LINGO1: variants seen among roughly 807,000 people sequenced by gnomAD.
The protein encoded by LINGO1 is leucine-rich repeat and immunoglobulin-like domain-containing nogo receptor-interacting protein 1.
LINGO1 carries 11 observed loss-of-function variants against 37.3 expected under a neutral mutation model. The observed-to-expected ratio is 0.29, with a 90% CI of 0.19 to 0.49. The LOEUF (loss-of-function observed/expected upper bound fraction) is 0.49, where lower values mean the gene tolerates loss of function less well. Among genes scored for constraint, LINGO1 ranks in the 20% least tolerant of loss-of-function variants. LINGO1 has a pLI of 0.99. For synonymous variants in LINGO1, 387 were observed against 403.0 expected, an observed-to-expected ratio of 0.96 and a Z score of 0.48; for missense variants, 585 against 878.2, an observed-to-expected ratio of 0.67 and a Z score of 4.22.
intron 2 of LINGO1, among the ~76,000 whole-genome samples, chr15:77,720,285 T>G (rs1272577848): frequency 6.6e-6 from 1 of 152,250 alleles, no homozygotes; most frequent in East Asian, 1.9e-4. Context: ...ACGGCGTTTT[T>G]ATTCTGCAGC....
At chr15:77,814,080 C>T (rs1328075208) in intron 1 of LINGO1, among the ~76,000 whole-genome samples, 1 of 152,180 alleles carries the variant, frequency 6.6e-6, no homozygotes, top group Non-Finnish European at 1.5e-5. Context: ...TCCCTCATTC[C>T]AGCCCCAGCT....
chr15:77,756,926 C>T (rs760479235), intron 1 of LINGO1, among the ~76,000 whole-genome samples: 1 of 152,226 alleles, frequency 6.6e-6, no homozygotes, highest in African/African-American at 2.4e-5. Context: ...CTCAGGGACA[C>T]CTTGGAGCTC....
At chr15:77,741,702 G>C (rs1419037847) in intron 1 of LINGO1, among the ~76,000 whole-genome samples, 1 of 152,220 alleles carries the variant, frequency 6.6e-6, no homozygotes, top group Non-Finnish European at 1.5e-5. Context: ...AGCTTCCCCA[G>C]TGCAGTCCCC....
chr15:77,730,569 T>G (rs891054729), intron 2 of LINGO1, among the ~76,000 whole-genome samples: 7 of 152,144 alleles, frequency 4.6e-5, no homozygotes, highest in African/African-American at 7.2e-5. Context: ...TCCCTCTATA[T>G]CCAGACTGGT....
intron 1 of LINGO1, among the ~76,000 whole-genome samples, chr15:77,692,698 C>A (rs958760557): frequency 6.6e-6 from 1 of 152,176 alleles, no homozygotes; most frequent in Non-Finnish European, 1.5e-5. Context: ...TCCTCACCTC[C>A]GAGGGCAGCA....
In LINGO1 at chr15:77,691,548, C is replaced by A. The variant is rs948196870; in HGVS notation, c.-280-647G>T. Among the ~76,000 whole-genome samples, 3 of 152,084 alleles carry A rather than the reference C, an allele frequency of 2.0e-5. No individual in the cohort carries two copies. In the East Asian group the frequency reaches 5.8e-4, roughly 29 times the overall value. On this transcript the variant is annotated intron_variant, in intron 1 of 3. Coordinates refer to the LINGO1 transcript ENST00000559893. ...GGGTGTCAGGCTACCCTTGAAGGGA[C>A]CTACCTCCTCCAGCCACTGCCACTG...
At chr15:77,788,185 CTGCCT>C (rs1426957128), upstream of LINGO1, 2 of 152,274 alleles carry the variant, frequency 1.3e-5, no homozygotes, top group Non-Finnish European at 2.9e-5. Flanking sequence ...CCGCCCTGCC[CTGCCT>C]GGGCCACCAT....
chr15:77,632,376 C>G lies in LINGO1; in HGVS notation c.-61G>C, dbSNP rs1297551767. 3.7e-6 allele frequency: 5 copies of G among 1,356,940 alleles called. No homozygotes were observed. The highest frequency in any genetic ancestry group is 4.8e-6 in the Non-Finnish European group (5 of 1,050,060). The allele number at this position is 1,356,940 out of a possible 1,614,324, so 84.1% of individuals were successfully genotyped here. On this transcript the variant is annotated 5_prime_UTR_variant, in exon 1 of 2. Transcript: ENST00000355300. This position sits in a 1 kb window ranked among gnomAD's most constrained non-coding sequence, Gnocchi z 6.0. ...CAATCGCATGTCTCTCCAGCCGGCC[C>G]GACCAGGCCCCAGCCCCTGCCCAGC...
chr15:77,674,708 C>T (rs114814551), intron 3 of LINGO1, among the ~76,000 whole-genome samples: 1 of 151,960 alleles, frequency 6.6e-6, no homozygotes, highest in African/African-American at 2.4e-5. Context: ...TGCCACCTCT[C>T]GAAGAGACCT....
intron 3 of LINGO1, among the ~76,000 whole-genome samples, chr15:77,644,863 C>T (rs894969668): frequency 6.6e-6 from 1 of 152,160 alleles, no homozygotes; most frequent in South Asian, 2.1e-4. Context: ...TAAAGGGCCA[C>T]TGGGTGGGCT....
chr15:77,756,356 C>G (rs1374344085), intron 1 of LINGO1, among the ~76,000 whole-genome samples: 1 of 152,112 alleles, frequency 6.6e-6, no homozygotes, highest in East Asian at 1.9e-4. Flanking sequence ...AAAACATGTC[C>G]ACACACAGAG....
At chr15:77,720,770 A>G (rs567928030) in intron 2 of LINGO1, 1 of 151,858 alleles carries the variant, frequency 6.6e-6, no homozygotes, top group South Asian at 2.1e-4. Flanking sequence ...GGCAGACGTG[A>G]CAACGTCCGC....
chr15:77,671,709 G>A (rs1450031630), intron 3 of LINGO1, among the ~76,000 whole-genome samples: 1 of 152,224 alleles, frequency 6.6e-6, no homozygotes, highest in Non-Finnish European at 1.5e-5. Context: ...TCCCAGTTCA[G>A]CCTAAGGAGC....
Position 77,615,122 on chromosome 15 carries a change from C to A in LINGO1, c.785G>T (p.Gly262Val). ...GATGGACAGGGACGTCAGGTTGAGGCCGTAGAGGCAGTTGGGTGTCATGGT... is the reference window on the plus strand; with the variant it reads ...GATGGACAGGGACGTCAGGTTGAGGACGTAGAGGCAGTTGGGTGTCATGGT... ...LDTMTPNCLY[G>V]LNLTSLSITH... Residue 262 changes from glycine (G) to valine (V), a missense_variant, in exon 2 of 2, where the codon GGC (glycine) becomes GTC (valine). By Grantham distance (109) the Gly-to-Val change is moderately radical. Transcript: ENST00000355300. The A allele has an allele frequency of 1.2e-6, 2 of 1,614,004 alleles. No homozygotes were observed. The highest frequency in any genetic ancestry group is 1.7e-6 in the Non-Finnish European group (2 of 1,179,888).
rs192969671 is a variant in LINGO1, at chr15:77,682,803, C to T, written c.-98-5629G>A. Among the ~76,000 whole-genome samples, 4 of 152,072 alleles carry T rather than the reference C, an allele frequency of 2.6e-5. No homozygotes were observed. The East Asian group carries it at 7.7e-4, about 29-fold the overall frequency. ...CCAGTCACAAATATGACCTCATCCC[C>T]GCTCCACTTAAAACCCGCCCAGGAA... is the stretch of plus-strand genomic sequence containing the variant. On this transcript the variant is annotated intron_variant, in intron 2 of 3. Transcript: ENST00000559893.
chr15:77,626,453 G>A (rs975133358), intron 1 of LINGO1, among the ~76,000 whole-genome samples: 2 of 152,132 alleles, frequency 1.3e-5, no homozygotes, highest in South Asian at 2.1e-4. Flanking sequence ...TCTTGGCCAC[G>A]CCACTGCCAG....
In LINGO1 at chr15:77,632,267, C is replaced by T. The variant is rs1237678142; in HGVS notation, c.6+43G>A. 3.6e-6 allele frequency: 5 copies of T among 1,372,164 alleles called. No homozygotes were observed. Among genetic ancestry groups the T allele is most frequent in the Non-Finnish European group, 4.7e-6 (5 of 1,067,270 alleles). The allele number at this position is 1,372,164 out of a possible 1,614,324, so 85.0% of individuals were successfully genotyped here. A position where few individuals can be genotyped will look rare whatever the true frequency, so the allele number is the denominator to read the frequency against. ...TGGCGGCCCCCAGGGGCACTCGCCG[C>T]GGGGCTGCCCGCTCGGGGCTCGGCC... On this transcript the variant is annotated intron_variant, in intron 1 of 1. Transcript: ENST00000355300. The surrounding 1 kb of genome is among the most constrained non-coding windows in gnomAD (Gnocchi z 6.0).
At chr15:77,730,072 G>A (rs962739270) in intron 2 of LINGO1, among the ~76,000 whole-genome samples, 2 of 151,942 alleles carry the variant, frequency 1.3e-5, no homozygotes, top group African/African-American at 2.4e-5. Context: ...GGTTGGGAGC[G>A]TTGTGGGGGG....
At chr15:77,684,311 C>T (rs1220009870) in intron 2 of LINGO1, among the ~76,000 whole-genome samples, 1 of 152,216 alleles carries the variant, frequency 6.6e-6, no homozygotes. Context: ...TTTATTATCA[C>T]CTCATTTAAC....
Sources: allele counts gnomAD v4.1 joint callset (sites outside exome capture counted in the v4.1 genomes callset), GRCh38; gene constraint gnomAD v4.1.1; non-coding constraint Gnocchi (gnomAD v3.1); transcripts MANE v1.5; gene names NCBI Gene and HGNC (gene_info 2026-07-23, HGNC 2026-07-21).